Variants in TLN2 observed in about 807,000 individuals in gnomAD.
TLN2 encodes the protein talin-2.
A neutral mutation model predicts 294.7 loss-of-function variants in TLN2; 118 were observed. That is an observed-to-expected ratio of 0.40 (90% CI 0.34 to 0.47). TLN2 has a LOEUF of 0.47. Among genes scored for constraint, TLN2 ranks in the 20% least tolerant of loss-of-function variants. The pLI is 0.84. For synonymous variants in TLN2, 1,431 were observed against 1,304.5 expected (o/e 1.10, Z -2.09); for missense variants, 3,083 against 3,282.2 (o/e 0.94, Z 1.48).
intron 1 of TLN2, among the ~76,000 whole-genome samples, chr15:62,552,500 C>T (rs2042379866): frequency 6.6e-6 from 1 of 152,166 alleles, no homozygotes; most frequent in South Asian, 2.1e-4. Context: ...TTTTAGCTCT[C>T]ATACTGTACA....
intron 12 of TLN2, among the ~76,000 whole-genome samples, chr15:62,691,365 C>T (rs905975282): frequency 6.6e-6 from 1 of 152,136 alleles, no homozygotes; most frequent in Non-Finnish European, 1.5e-5. Context: ...ATTATCTCCA[C>T]ACTACTATTT....
chr15:62,653,917 T>C (rs1245256045), intron 7 of TLN2, among the ~76,000 whole-genome samples: 3 of 152,200 alleles, frequency 2.0e-5, no homozygotes, highest in Admixed American at 6.5e-5. Context: ...TAATTTGTTT[T>C]ACTAAGTGTC....
chr15:62,704,421 G>A (rs1352339128), intron 19 of TLN2, among the ~76,000 whole-genome samples: 1 of 152,174 alleles, frequency 6.6e-6, no homozygotes, highest in Non-Finnish European at 1.5e-5. Context: ...AATTTTGCAT[G>A]CCATTTTATC....
chr15:62,472,187 C>CT (rs2037517799), intron 1 of TLN2, among the ~76,000 whole-genome samples: 1 of 152,170 alleles, frequency 6.6e-6, no homozygotes, highest in Non-Finnish European at 1.5e-5. Context: ...TATTCACCCA[C>CT]TTTGGGGTCT....
chr15:62,515,736 A>AT (rs35278946), intron 1 of TLN2, among the ~76,000 whole-genome samples: 56,157 of 151,852 alleles, frequency 0.37, 12,587 homozygotes, highest in African/African-American at 0.62. Context: ...CACACATCTG[A>AT]TTTTTTTTCA....
In TLN2 at chr15:62,758,211, TCA is replaced by T. The variant is rs200286862; in HGVS notation, c.4638+2523_4638+2524del. 5.9e-3 allele frequency among the ~76,000 whole-genome samples: 903 copies of T among 152,192 alleles called. 12 individuals are homozygous for T. The highest frequency in any genetic ancestry group is 0.021 in the African/African-American group (857 of 41,538). On this transcript the variant is annotated intron_variant, in intron 37 of 58. Coordinates refer to ENST00000636159, the MANE Select transcript of TLN2 (RefSeq NM_015059.3). The stretch of plus-strand genomic sequence containing the variant: ...CACGAGGGAGCAGGAGCAGATTACC[TCA>T]CACAGTGGCTCATCGGCATCAGTCA...
At chr15:62,565,522 C>T (rs1316499885) in intron 1 of TLN2, among the ~76,000 whole-genome samples, 1 of 152,144 alleles carries the variant, frequency 6.6e-6, no homozygotes, top group Non-Finnish European at 1.5e-5. Context: ...TCCTGGATTG[C>T]TTAAGGGGCA....
chr15:62,434,585 A>G (rs752141044), intron 1 of TLN2, among the ~76,000 whole-genome samples: 118 of 152,318 alleles, frequency 7.7e-4, no homozygotes, highest in Non-Finnish European at 1.4e-3. Flanking sequence ...TAATATTGCT[A>G]AATTGTCCTC....
chr15:62,508,187 G>A (rs968677087), intron 1 of TLN2, among the ~76,000 whole-genome samples: 20 of 151,950 alleles, frequency 1.3e-4, no homozygotes, highest in African/African-American at 4.8e-4. Flanking sequence ...GACTATTTAA[G>A]CCCTATAGAT....
intron 1 of TLN2, among the ~76,000 whole-genome samples, chr15:62,421,731 C>T (rs1406568097): frequency 5.3e-5 from 8 of 151,786 alleles, no homozygotes; most frequent in Non-Finnish European, 7.4e-5. Context: ...CTTGATGCTG[C>T]GGTTATGAAA....
intron 3 of TLN2, among the ~76,000 whole-genome samples, chr15:62,643,405 A>ATTTTTTTTTTTTTTT (rs571288380): frequency 9.9e-5 from 9 of 90,738 alleles, no homozygotes; most frequent in African/African-American, 2.7e-4. Flanking sequence ...TGGTTCCAGG[A>ATTTTTTTTTTTTTTT]TTTTTTTTTT....
chr15:62,573,939 G>GC (rs2044156184), intron 1 of TLN2, among the ~76,000 whole-genome samples: 1 of 152,078 alleles, frequency 6.6e-6, no homozygotes, highest in African/African-American at 2.4e-5. Flanking sequence ...GAGCTCAGCC[G>GC]CCTGACTCCC....
intron 1 of TLN2, among the ~76,000 whole-genome samples, chr15:62,509,994 A>G (rs1033265023): frequency 1.3e-5 from 2 of 152,170 alleles, no homozygotes; most frequent in African/African-American, 4.8e-5. Context: ...TATTTCTGTA[A>G]GTCATGTGAA....
At chr15:62,450,065 C>T (rs1367915549) in intron 1 of TLN2, among the ~76,000 whole-genome samples, 1 of 152,200 alleles carries the variant, frequency 6.6e-6, no homozygotes, top group Non-Finnish European at 1.5e-5. Context: ...CCCCAACTTA[C>T]TTTCCTAATG....
chr15:62,784,575 C>T (rs1345718206), intron 45 of TLN2: 2 of 152,266 alleles, frequency 1.3e-5, no homozygotes, highest in East Asian at 3.9e-4. Flanking sequence ...TGGGGTGGTC[C>T]ATTGGGAAGG....
At chr15:62,691,407 A>T (rs574031773) in intron 12 of TLN2, among the ~76,000 whole-genome samples, 1 of 151,944 alleles carries the variant, frequency 6.6e-6, no homozygotes, top group Non-Finnish European at 1.5e-5. Context: ...AATTTTGGTT[A>T]TTGCCTTTTT....
At chr15:62,764,171 A>G (rs1322915068) in intron 40 of TLN2, among the ~76,000 whole-genome samples, 1 of 152,194 alleles carries the variant, frequency 6.6e-6, no homozygotes, top group Non-Finnish European at 1.5e-5. Context: ...AATATCCAGC[A>G]TTTGAGGACT....
At chr15:62,731,220 T>G (rs2140943213) in intron 28 of TLN2, among the ~76,000 whole-genome samples, 1 of 152,302 alleles carries the variant, frequency 6.6e-6, no homozygotes, top group South Asian at 2.1e-4. Flanking sequence ...TCACAGTTAT[T>G]TAAAGTTGAA....
At chr15:62,712,625 C>T (rs1468417894) in intron 22 of TLN2, among the ~76,000 whole-genome samples, 2 of 152,180 alleles carry the variant, frequency 1.3e-5, no homozygotes, top group African/African-American at 4.8e-5. Flanking sequence ...TGATTCTGAA[C>T]CAGCGGTCTG....
Sources: allele counts gnomAD v4.1 joint callset (sites outside exome capture counted in the v4.1 genomes callset), GRCh38; gene constraint gnomAD v4.1.1; transcripts MANE v1.5; gene names NCBI Gene and HGNC (gene_info 2026-07-23, HGNC 2026-07-21).